BTN2A2: variants seen among roughly 807,000 people sequenced by gnomAD.
The protein encoded by BTN2A2 is butyrophilin subfamily 2 member A2.
A neutral mutation model predicts 34.7 loss-of-function variants in BTN2A2; 29 were observed. The observed-to-expected ratio is 0.84, with a 90% CI of 0.62 to 1.14. The LOEUF (loss-of-function observed/expected upper bound fraction) is 1.14, where lower values mean the gene tolerates loss of function less well. BTN2A2 is among the 50% of genes most tolerant of loss of function. The probability of loss-of-function intolerance (pLI) is 0.00; values close to 1 mark genes in which losing one functional copy is unlikely to be tolerated. For synonymous variants in BTN2A2, 240 were observed against 253.1 expected (o/e 0.95, Z 0.49); for missense variants, 612 against 651.5 (o/e 0.94, Z 0.66).
rs1761730815 is a variant in BTN2A2 at position 26,393,529 on chromosome 6, A to C, written c.*562A>C. ...TCCTGGGAGATGATGGCTCATTTCC[A>C]CCCAACCCCAGGATTTCCACAGCAC... On this transcript the variant is annotated 3_prime_UTR_variant, in exon 8 of 8. Coordinates refer to ENST00000356709, the MANE Select transcript of BTN2A2 (RefSeq NM_006995.5). 9.9e-7 allele frequency: 1 copy of C among 1,014,068 alleles called. No homozygotes were observed. Among genetic ancestry groups the C allele is most frequent in the Non-Finnish European group, 1.2e-6 (1 of 847,542 alleles). 62.8% of individuals were successfully genotyped at this position (1,014,068 alleles called of 1,614,324 possible). A position where few individuals can be genotyped will look rare whatever the true frequency, so the allele number is the denominator to read the frequency against.
chr6:26,386,639 C>T (rs543304564), intron 3 of BTN2A2, among the ~76,000 whole-genome samples: 2 of 152,322 alleles, frequency 1.3e-5, no homozygotes, highest in African/African-American at 4.8e-5. Flanking sequence ...ACTACTCTTT[C>T]TCTGTAAAAC....
intron 4 of BTN2A2, among the ~76,000 whole-genome samples, chr6:26,389,758 T>G (rs1761448545): frequency 6.6e-6 from 1 of 152,130 alleles, no homozygotes; most frequent in African/African-American, 2.4e-5. Flanking sequence ...GGCTGGTTAG[T>G]TTTATGCACT....
rs1253412766 is a variant in BTN2A2 at position 26,383,983 on chromosome 6, GGAAAGAAGGA to G, written c.94+69_94+78del. On this transcript the variant is annotated intron_variant, in intron 2 of 7. Transcript: ENST00000356709. This position sits in a 1 kb window ranked among gnomAD's most constrained non-coding sequence, Gnocchi z 4.4. Reference sequence around the variant, plus strand: ...AACATCAACCCTGTAGTCTGCAAAGGGAAAGAAGGAAGAACTGTGGGGTTGTTGACTTATC... The same window carrying G: ...AACATCAACCCTGTAGTCTGCAAAGGAGAACTGTGGGGTTGTTGACTTATC... 1 of 1,522,876 alleles carries G rather than the reference GGAAAGAAGGA, an allele frequency of 6.6e-7. No individual in the cohort carries two copies. 94.3% of individuals were successfully genotyped at this position (1,522,876 alleles called of 1,614,324 possible).
chr6:26,389,995 GCCTTTTCAGAAT>G lies in BTN2A2; in HGVS notation c.725-4_732del. On this transcript the variant is annotated splice_acceptor_variant and splice_polypyrimidine_tract_variant and coding_sequence_variant and intron_variant, in exon 5 of 8. Transcript: ENST00000356709. LOFTEE classifies it high-confidence loss of function. ...TCAAACTAAATGGACTTTTCTGGCT[GCCTTTTCAGAAT>G]CCTTTATGCCCAGCGCATCTCCCTG... 1 of 1,610,320 alleles carries G rather than the reference GCCTTTTCAGAAT, an allele frequency of 6.2e-7. No homozygotes were observed. The highest frequency in any genetic ancestry group is 2.2e-5 in the East Asian group (1 of 44,830).
intron 4 of BTN2A2, among the ~76,000 whole-genome samples, chr6:26,389,386 A>G (rs1341110800): frequency 6.6e-6 from 1 of 152,186 alleles, no homozygotes; most frequent in Non-Finnish European, 1.5e-5. Context: ...CAGCCAAGGT[A>G]CAGGAAGAGC....
chr6:26,393,140 C>T lies in BTN2A2; in HGVS notation c.*173C>T. ...CCCTCTGCCCCAGTTTTCTCCTCCT[C>T]ACTAGTCTGTGGCTTTAGTAGTTCC... On this transcript the variant is annotated 3_prime_UTR_variant, in exon 8 of 8. Transcript: ENST00000356709. 1.2e-6 allele frequency: 2 copies of T among 1,603,074 alleles called. No homozygotes were observed. The highest frequency in any genetic ancestry group is 1.7e-6 in the Non-Finnish European group (2 of 1,174,698).
chr6:26,390,043 C>A lies in BTN2A2; in HGVS notation c.763C>A (p.Leu255Ile). 1 of 1,614,056 alleles carries A rather than the reference C, an allele frequency of 6.2e-7. No individual in the cohort carries two copies. The highest frequency in any genetic ancestry group is 2.2e-5 in the East Asian group (1 of 44,878). Residue 255 changes from leucine (L) to isoleucine (I), a missense_variant, in exon 5 of 8, where the codon CTA (leucine) becomes ATA (isoleucine). By Grantham distance (5) the Leu-to-Ile change is conservative (BLOSUM62 2). Coordinates refer to ENST00000356709, the MANE Select transcript of BTN2A2 (RefSeq NM_006995.5). ...MPSASPWMVA[L>I]AVILTASPWM... Reference sequence around the variant, plus strand: ...CAGCGCATCTCCCTGGATGGTGGCCCTAGCTGTCATCCTGACCGCATCTCC... The same window carrying A: ...CAGCGCATCTCCCTGGATGGTGGCCATAGCTGTCATCCTGACCGCATCTCC...
chr6:26,388,216 A>T lies in BTN2A2; in HGVS notation c.646A>T (p.Lys216Ter). Residue 216 changes from lysine (K) to a stop codon, truncating the protein, a stop_gained, in exon 4 of 8, where the codon AAG (lysine) becomes TAG (stop). Coordinates refer to ENST00000356709, the MANE Select transcript of BTN2A2 (RefSeq NM_006995.5). LOFTEE classifies it high-confidence loss of function. ...CACCACAGCTGTGATCATCAGAGAC[A>T]AGTATGTGAGGAATGTGTCCTGCTC... ...MVTTAVIIRD[K>*]YVRNVSCSVN... The T allele has an allele frequency of 6.2e-7, 1 of 1,614,184 alleles. No individual in the cohort carries two copies. Among genetic ancestry groups the T allele is most frequent in the African/African-American group, 1.3e-5 (1 of 75,048 alleles).
intron 4 of BTN2A2, 102 bp from the exon 5 acceptor site, chr6:26,389,903 A>G: frequency 8.9e-7 from 1 of 1,127,374 alleles, no homozygotes; most frequent in South Asian, 1.5e-5. Flanking sequence ...GGAGAAGCCA[A>G]CAGAACAGGT....
At chr6:26,388,840 G>T (rs1169290980) in intron 4 of BTN2A2, among the ~76,000 whole-genome samples, 1 of 151,920 alleles carries the variant, frequency 6.6e-6, no homozygotes, top group Admixed American at 6.6e-5. Flanking sequence ...GAGAGACAGC[G>T]GCCGGGCACG....
Position 26,388,177 on chromosome 6 carries a change from G to A in BTN2A2, c.607G>A (p.Gly203Ser), listed in dbSNP as rs62617839. The change falls in exon 4 of 8, where the codon GGC becomes AGC. Residue 203 changes from glycine to serine, a missense_variant. By Grantham distance (56) the Gly-to-Ser change is moderately conservative. Transcript: ENST00000356709. ...GGAGGTTTCCATCGCTGATGCTGAC[G>A]GCCTCTTCATGGTCACCACAGCTGT... ...LKEVSIADAD[G>S]LFMVTTAVII... is the part of the protein sequence containing the mutation. 0.05 allele frequency: 80,732 copies of A among 1,614,116 alleles called. 2,256 individuals are homozygous for A. Among genetic ancestry groups the A allele is most frequent in the Middle Eastern group, 0.081 (490 of 6,062 alleles).
Position 26,392,628 on chromosome 6 carries a change from G to T in BTN2A2, c.1233G>T (p.Leu411=). 1.2e-6 allele frequency: 2 copies of T among 1,614,224 alleles called. No homozygotes were observed. The highest frequency in any genetic ancestry group is 1.7e-6 in the Non-Finnish European group (2 of 1,180,028). The change falls in exon 8 of 8, where the codon CTG becomes CTT. Residue 411 remains leucine (L), a synonymous_variant. Transcript: ENST00000356709. ...TTGAGAGGAAAGGGGAGGTCCTGCT[G>T]ATTCCTCAGAATGGCTTCTGGACCC... is the stretch of plus-strand genomic sequence containing the variant. The part of the protein sequence containing the change: ...HSVERKGEVL[L]IPQNGFWTLE...
At chr6:26,390,271 A>G in intron 5 of BTN2A2, 60 bp downstream of exon 5, 3 of 1,509,372 alleles carry the variant, frequency 2.0e-6, no homozygotes, top group Non-Finnish European at 2.7e-6. Context: ...GAAAAGTTAA[A>G]TGAGTAGGAG....
rs887071953 is a variant in BTN2A2, at chr6:26,385,061, G to A, written c.141G>A (p.Val47=). Residue 47 remains valine, a synonymous_variant, in exon 3 of 8, where the codon GTG becomes GTA. Coordinates refer to ENST00000356709, the MANE Select transcript of BTN2A2 (RefSeq NM_006995.5). The part of the protein sequence containing the change: ...VGPANPILAM[V]GENTTLRCHL... ...CAGCTAATCCCATCCTGGCCATGGT[G>A]GGAGAAAACACTACATTACGCTGCC... 1.2e-6 allele frequency: 2 copies of A among 1,613,808 alleles called. No homozygotes were observed. The highest frequency in any genetic ancestry group is 2.2e-5 in the East Asian group (1 of 44,902).
intron 5 of BTN2A2, 157 bp from the exon 6 acceptor site, chr6:26,390,530 C>A: frequency 1.1e-6 from 1 of 930,656 alleles, no homozygotes; most frequent in Non-Finnish European, 1.7e-6. Flanking sequence ...GCCATCTGAT[C>A]ATACATCATT....
chr6:26,393,034 C>G lies in BTN2A2; in HGVS notation c.*67C>G. On this transcript the variant is annotated 3_prime_UTR_variant, in exon 8 of 8. Transcript: ENST00000356709. ...CCATCTCAGCAGCCACCGCACAACC[C>G]CCCTAATGAAAGACACGCCCTCCTC... 6 of 1,612,870 alleles carry G rather than the reference C, an allele frequency of 3.7e-6. No individual in the cohort carries two copies. The highest frequency in any genetic ancestry group is 5.1e-6 in the Non-Finnish European group (6 of 1,179,390).
In BTN2A2 at chr6:26,390,696, A is replaced by T; in HGVS notation, c.941A>T (p.Gln314Leu). ...TGTATTTTGTTTTCAGAGCAACTTCAAGAAGAATTGCGTAAGTTTAGCCTT... is the reference window on the plus strand; with the variant it reads ...TGTATTTTGTTTTCAGAGCAACTTCTAGAAGAATTGCGTAAGTTTAGCCTT... ...QEEKEIAQQL[Q>L]EELRWRRTFL... is the part of the protein sequence containing the mutation. Residue 314 changes from glutamine (Q) to leucine (L), a missense_variant, in exon 6 of 8, where the codon CAA (glutamine) becomes CTA (leucine). Transcript: ENST00000356709. The T allele has an allele frequency of 6.2e-7, 1 of 1,614,256 alleles. No homozygotes were observed. Among genetic ancestry groups the T allele is most frequent in the South Asian group, 1.1e-5 (1 of 91,092 alleles).
chr6:26,387,762 G>T (rs1761298166), intron 3 of BTN2A2, among the ~76,000 whole-genome samples: 1 of 152,144 alleles, frequency 6.6e-6, no homozygotes, highest in African/African-American at 2.4e-5. Flanking sequence ...ATTAGTCTTT[G>T]CCAGAATAAA....
At chr6:26,392,273 G>A in intron 7 of BTN2A2, 102 bp from the exon 8 acceptor site, 4 of 1,586,922 alleles carry the variant, frequency 2.5e-6, no homozygotes, top group Non-Finnish European at 3.4e-6. Flanking sequence ...CCACTACATG[G>A]GGAACCCCCT....
Sources: gnomAD v4.1 joint callset for allele counts (sites outside exome capture counted in the v4.1 genomes callset) on GRCh38, gnomAD v4.1.1 for gene constraint, Gnocchi (gnomAD v3.1) non-coding constraint, MANE v1.5 for transcripts, NCBI Gene and HGNC (gene_info 2026-07-23, HGNC 2026-07-21) for gene names.